Variants in MYO18A observed in about 807,000 individuals in gnomAD.
MYO18A encodes unconventional myosin-XVIIIa.
MYO18A carries 78 observed loss-of-function variants against 235.8 expected under a neutral mutation model. The observed-to-expected ratio is 0.33, with a 90% confidence interval of 0.28 to 0.40. MYO18A has a LOEUF of 0.40. Ranked by LOEUF, MYO18A falls within the 10% of genes least tolerant of loss-of-function variation. The pLI, the probability that MYO18A is intolerant of heterozygous loss-of-function variation, is 1.00. For missense variants in MYO18A, 2,215 were observed against 2,699.3 expected (o/e 0.82, Z 3.98); for synonymous variants, 977 against 1,077.8 (o/e 0.91, Z 1.83).
chr17:29,130,472 TCC>T (rs1555535509), intron 2 of MYO18A, among the ~76,000 whole-genome samples: 31 of 76,852 alleles, frequency 4.0e-4, no homozygotes, highest in African/African-American at 6.3e-4. Flanking sequence ...CTGAGGCCTC[TCC>T]CACACACACA....
At chr17:29,080,168 G>C (rs540582619) in intron 41 of MYO18A, 4 of 986,032 alleles carry the variant, frequency 4.1e-6, no homozygotes, top group East Asian at 2.3e-4. Context: ...TGGGCGCTCC[G>C]GGCACTTTGG....
At chr17:29,130,428 A>C (rs1226618120) in intron 2 of MYO18A, among the ~76,000 whole-genome samples, 1 of 149,642 alleles carries the variant, frequency 6.7e-6, no homozygotes, top group African/African-American at 2.4e-5. Flanking sequence ...TAGTTTTTGC[A>C]AAAAAAATAA....
intron 2 of MYO18A, among the ~76,000 whole-genome samples, chr17:29,144,759 C>T (rs10438791): frequency 0.016 from 2,370 of 152,198 alleles, 72 homozygotes; most frequent in African/African-American, 0.054. Flanking sequence ...TACATACATA[C>T]GGTTCTTGGT....
At chr17:29,129,262 T>C (rs2067402685) in intron 2 of MYO18A, 1 of 244,118 alleles carries the variant, frequency 4.1e-6, no homozygotes, top group South Asian at 1.5e-4. Flanking sequence ...CCAGGAAGCT[T>C]CCACTTCAGC....
intron 21 of MYO18A, among the ~76,000 whole-genome samples, chr17:29,102,154 C>T (rs2066668992): frequency 1.3e-5 from 2 of 152,220 alleles, no homozygotes; most frequent in African/African-American, 4.8e-5. Flanking sequence ...CTGGGGCTTG[C>T]CTGCCTCAGC....
chr17:29,097,164 A>G lies in MYO18A; in HGVS notation c.4230+59T>C, dbSNP rs1039914863. ...CCCCAGAGTTCACTGGACCGACACA[A>G]GGCACCAGTCCTCTCCTGGCCCTCC... is the stretch of plus-strand genomic sequence containing the variant. On this transcript the variant is annotated intron_variant, in intron 27 of 41. Coordinates refer to ENST00000527372, the MANE Select transcript of MYO18A (RefSeq NM_078471.4). The G allele has an allele frequency of 1.9e-6, 3 of 1,591,368 alleles. No individual in the cohort carries two copies. In the African/African-American group the frequency reaches 4.0e-5, roughly 21 times the overall value.
At chr17:29,145,124 T>C (rs1238981378) in intron 2 of MYO18A, among the ~76,000 whole-genome samples, 1 of 152,200 alleles carries the variant, frequency 6.6e-6, no homozygotes, top group East Asian at 1.9e-4. Flanking sequence ...TGATAATCGA[T>C]TCGTGTTGAA....
intron 26 of MYO18A, among the ~76,000 whole-genome samples, chr17:29,097,584 C>T (rs567209168): frequency 6.6e-6 from 1 of 152,338 alleles, no homozygotes; most frequent in Admixed American, 6.5e-5. Flanking sequence ...GGACCACGGC[C>T]CTCAGTCTTT....
At chr17:29,137,258 C>T (rs1404415475) in intron 2 of MYO18A, among the ~76,000 whole-genome samples, 2 of 152,212 alleles carry the variant, frequency 1.3e-5, no homozygotes, top group Admixed American at 6.5e-5. Flanking sequence ...ATACTGTAGG[C>T]GCTTAATAAA....
rs561111757 is a variant in MYO18A, at chr17:29,084,811, G to A, written c.5897+793C>T. The stretch of plus-strand genomic sequence containing the variant: ...ACCCAATGCCATGCTAAAAAAAAAA[G>A]ACCTCTAAAAAACAACCCTGTCGAA... On this transcript the variant is annotated intron_variant, in intron 40 of 41. Coordinates refer to ENST00000527372, the MANE Select transcript of MYO18A (RefSeq NM_078471.4). Among the ~76,000 whole-genome samples the A allele has an allele frequency of 3.2e-4, 47 of 147,004 alleles. No homozygotes were observed. The Middle Eastern group carries it at 0.01, about 32-fold the overall frequency.
At chr17:29,102,720 C>A (rs145306280) in intron 21 of MYO18A, among the ~76,000 whole-genome samples, 1 of 152,298 alleles carries the variant, frequency 6.6e-6, no homozygotes, top group African/African-American at 2.4e-5. Flanking sequence ...TTGACAGAGA[C>A]GAAGGGCAGG....
chr17:29,160,727 T>C (rs1188634750), intron 2 of MYO18A, among the ~76,000 whole-genome samples: 2 of 152,200 alleles, frequency 1.3e-5, no homozygotes, highest in Non-Finnish European at 2.9e-5. Context: ...GTGGTTTATG[T>C]GAACATGGCA....
intron 12 of MYO18A, 28 bp from the exon 13 acceptor site, chr17:29,115,469 TC>T (rs1442879659): frequency 6.2e-7 from 1 of 1,606,312 alleles, no homozygotes; most frequent in Non-Finnish European, 8.5e-7. Context: ...CAGCGCTATC[TC>T]CTTCTCCCCA....
chr17:29,141,169 C>A (rs753993832), intron 2 of MYO18A, among the ~76,000 whole-genome samples: 1 of 152,130 alleles, frequency 6.6e-6, no homozygotes, highest in Non-Finnish European at 1.5e-5. Flanking sequence ...TGGGCCTCAG[C>A]CCTGCAGACA....
chr17:29,114,268 T>G, intron 14 of MYO18A, 171 bp from the exon 15 acceptor site: 1 of 587,688 alleles, frequency 1.7e-6, no homozygotes, highest in East Asian at 2.9e-5. Flanking sequence ...ACACACTGTA[T>G]TTTTTGCACA....
intron 2 of MYO18A, among the ~76,000 whole-genome samples, chr17:29,131,651 T>G (rs2067476595): frequency 6.6e-6 from 1 of 152,150 alleles, no homozygotes; most frequent in Non-Finnish European, 1.5e-5. Context: ...GAAGAGTCTG[T>G]GGGGGAAAAA....
intron 20 of MYO18A, among the ~76,000 whole-genome samples, chr17:29,104,832 C>T (rs987518157): frequency 6.6e-6 from 1 of 151,942 alleles, no homozygotes; most frequent in Non-Finnish European, 1.5e-5. Context: ...GAGAGAATGT[C>T]CCAGAAAGAA....
At chr17:29,116,420 A>G (rs759104023) in intron 11 of MYO18A, 24 bp downstream of exon 11, 2 of 1,613,992 alleles carry the variant, frequency 1.2e-6, no homozygotes, top group East Asian at 2.2e-5. Flanking sequence ...AATTAGGGAA[A>G]GCTAACAAGA....
chr17:29,162,069 A>C (rs1452641050), intron 2 of MYO18A, among the ~76,000 whole-genome samples: 1 of 152,046 alleles, frequency 6.6e-6, no homozygotes, highest in Non-Finnish European at 1.5e-5. Flanking sequence ...CCAAGACCCC[A>C]GAGTCTGACT....
Sources: gnomAD v4.1 joint callset for allele counts (sites outside exome capture counted in the v4.1 genomes callset) on GRCh38, gnomAD v4.1.1 for gene constraint, MANE v1.5 for transcripts, NCBI Gene and HGNC (gene_info 2026-07-23, HGNC 2026-07-21) for gene names.